KLF8: variants seen among roughly 807,000 people sequenced by gnomAD.
The protein encoded by KLF8 is KLF transcription factor 8.
A neutral mutation model predicts 18.2 loss-of-function variants in KLF8; 10 were observed. The ratio of observed to expected loss-of-function variants is 0.55; its 90% confidence interval spans 0.34 to 0.93. The LOEUF (loss-of-function observed/expected upper bound fraction) is 0.93. Among genes scored for constraint, KLF8 ranks in the 40% least tolerant of loss-of-function variants. KLF8 has a pLI of 0.02. For missense variants in KLF8, 264 were observed against 277.9 expected (o/e 0.95, Z 0.36); for synonymous variants, 109 against 97.3 (o/e 1.12, Z -0.71).
At chrX:56,274,767 T>C (rs56803118) in intron 5 of KLF8, among the ~76,000 whole-genome samples, 4 of 111,914 alleles carry the variant, frequency 3.6e-5, no homozygotes, top group African/African-American at 1.3e-4. Context: ...GACAGTCCAT[T>C]CCCCAATGTA....
At chrX:56,029,492 G>A in the KLF8 span, among the ~76,000 whole-genome samples, 1 of 110,956 alleles carries the variant, frequency 9.0e-6, no homozygotes, top group Non-Finnish European at 1.9e-5. Context: ...AGATAAGGGG[G>A]CCACTGGGGT....
chrX:56,242,719 C>G (rs2066563132), intron 1 of KLF8, among the ~76,000 whole-genome samples: 1 of 111,889 alleles, frequency 8.9e-6, no homozygotes, highest in Non-Finnish European at 1.9e-5. Flanking sequence ...CACTGTCGTT[C>G]ATACATGTTA....
the KLF8 span, among the ~76,000 whole-genome samples, chrX:56,143,720 T>G: frequency 1.8e-5 from 2 of 112,051 alleles, no homozygotes; most frequent in East Asian, 5.6e-4. Context: ...GAGTCATGAA[T>G]GGGTGTTATG....
chrX:56,170,205 C>G, the KLF8 span, among the ~76,000 whole-genome samples: 1 of 110,087 alleles, frequency 9.1e-6, no homozygotes. Flanking sequence ...GGAAAGCTTT[C>G]CCAAGCAGGA....
At chrX:56,050,526 C>T in the KLF8 span, among the ~76,000 whole-genome samples, 1 of 111,905 alleles carries the variant, frequency 8.9e-6, no homozygotes, top group Non-Finnish European at 1.9e-5. Context: ...TTGTTATGTA[C>T]CCAGTAGTCA....
the KLF8 span, among the ~76,000 whole-genome samples, chrX:55,965,229 G>C: frequency 8.9e-6 from 1 of 112,082 alleles, no homozygotes; most frequent in Non-Finnish European, 1.9e-5. Flanking sequence ...TGCAAACTTG[G>C]ATCAACATAT....
chrX:55,988,247 T>C, the KLF8 span, among the ~76,000 whole-genome samples: 1 of 110,970 alleles, frequency 9.0e-6, no homozygotes, highest in Non-Finnish European at 1.9e-5. Context: ...TGCCATTGCT[T>C]TTGGTGTTTT....
At chrX:56,066,180 A>C in the KLF8 span, among the ~76,000 whole-genome samples, 2 of 111,880 alleles carry the variant, frequency 1.8e-5, no homozygotes, top group Non-Finnish European at 3.8e-5. Context: ...CTGTGCACAA[A>C]AGTACTCAAG....
At chrX:56,073,517 A>G in the KLF8 span, among the ~76,000 whole-genome samples, 1 of 111,390 alleles carries the variant, frequency 9.0e-6, no homozygotes, top group South Asian at 3.8e-4. Flanking sequence ...CCTGGAGTGC[A>G]ATTGCTGAGT....
intron 1 of KLF8, among the ~76,000 whole-genome samples, chrX:56,247,462 A>T (rs2066637334): frequency 8.9e-6 from 1 of 112,089 alleles, no homozygotes; most frequent in African/African-American, 3.2e-5. Context: ...CACTAAATTT[A>T]TAAACAATTT....
the KLF8 span, among the ~76,000 whole-genome samples, chrX:56,099,854 C>T: frequency 1.8e-5 from 2 of 112,000 alleles, no homozygotes; most frequent in African/African-American, 6.5e-5. Context: ...AGAAAAGAAG[C>T]CATTTCCATA....
At chrX:56,227,458 C>A (rs1331934903), upstream of KLF8, among the ~76,000 whole-genome samples, 2 of 109,776 alleles carry the variant, frequency 1.8e-5, no homozygotes, top group Admixed American at 9.7e-5. Context: ...TCAAGCAATT[C>A]TTTTGCCTCC....
the KLF8 span, among the ~76,000 whole-genome samples, chrX:56,072,632 T>C: frequency 8.9e-6 from 1 of 112,334 alleles, no homozygotes; most frequent in African/African-American, 3.2e-5. Context: ...GACTTCTAAA[T>C]TGACTTTATT....
chrX:56,041,002 G>A, the KLF8 span, among the ~76,000 whole-genome samples: 2 of 102,365 alleles, frequency 2.0e-5, no homozygotes, highest in Non-Finnish European at 4.0e-5. Flanking sequence ...GGGTGCATGT[G>A]TCCAGGAATT....
At chrX:56,035,039 G>A in the KLF8 span, among the ~76,000 whole-genome samples, 4 of 111,619 alleles carry the variant, frequency 3.6e-5, no homozygotes, top group Non-Finnish European at 7.5e-5. Flanking sequence ...ACAGGCGTGA[G>A]CCACAGCGCC....
chrX:55,976,352 A>G, the KLF8 span, among the ~76,000 whole-genome samples: 1 of 110,874 alleles, frequency 9.0e-6, no homozygotes, highest in Admixed American at 9.6e-5. Context: ...TGTTCTTTTT[A>G]CTCAATATCG....
At chrX:55,922,726 C>G in the KLF8 span, among the ~76,000 whole-genome samples, 3 of 112,455 alleles carry the variant, frequency 2.7e-5, no homozygotes, top group Non-Finnish European at 3.8e-5. Context: ...TGAAAAAAAG[C>G]TCAATATCAC....
the KLF8 span, among the ~76,000 whole-genome samples, chrX:56,178,886 G>A: frequency 7.4e-3 from 826 of 111,995 alleles, 9 homozygotes; most frequent in Middle Eastern, 0.08. Context: ...AGTTACTGTC[G>A]CCTTGTACTA....
chrX:56,243,528 CTTTTT>C (rs773032466), intron 1 of KLF8: 22 of 58,161 alleles, frequency 3.8e-4, no homozygotes, highest in Non-Finnish European at 5.7e-4. Context: ...GAAACTCTTG[CTTTTT>C]TTTTTTTTTT....
Sources: gnomAD v4.1 joint callset for allele counts (sites outside exome capture counted in the v4.1 genomes callset) on GRCh38, gnomAD v4.1.1 for gene constraint, MANE v1.5 for transcripts, NCBI Gene and HGNC (gene_info 2026-07-23, HGNC 2026-07-21) for gene names.